Variants in KAT6B observed in about 807,000 individuals in gnomAD.
KAT6B encodes the protein histone acetyltransferase KAT6B.
Under a neutral mutation model 187.5 loss-of-function variants are expected in KAT6B, and 10 were observed. That is an observed-to-expected ratio of 0.05 (90% confidence interval 0.03 to 0.09). The LOEUF (loss-of-function observed/expected upper bound fraction) is 0.09, where lower values mean the gene tolerates loss of function less well. Ranked by LOEUF, KAT6B falls within the 10% of genes least tolerant of loss-of-function variation. The pLI is 1.00. For missense variants in KAT6B, 1,952 were observed against 2,558.9 expected (o/e 0.76, Z 5.12); for synonymous variants, 861 against 926.8 (o/e 0.93, Z 1.29).
chr10:75,005,078 A>T (rs568381403), intron 13 of KAT6B, among the ~76,000 whole-genome samples: 1 of 152,226 alleles, frequency 6.6e-6, no homozygotes, highest in African/African-American at 2.4e-5. Flanking sequence ...GCTATACCTC[A>T]TTTGGGTTTC....
At chr10:74,872,941 A>G (rs1330745555) in intron 3 of KAT6B, among the ~76,000 whole-genome samples, 2 of 152,188 alleles carry the variant, frequency 1.3e-5, no homozygotes, top group East Asian at 1.9e-4. Flanking sequence ...TGACTGTTAG[A>G]TGATACTCTT....
At chr10:75,005,249 G>A (rs1844126267) in intron 13 of KAT6B, among the ~76,000 whole-genome samples, 1 of 146,346 alleles carries the variant, frequency 6.8e-6, no homozygotes, top group Non-Finnish European at 1.5e-5. Flanking sequence ...ACCGAGTCTT[G>A]CTCTGTTGCC....
In KAT6B at chr10:74,921,108, A is replaced by ATTTTT. The variant is rs10550175; in HGVS notation, c.622-38843_622-38839dup. On this transcript the variant is annotated intron_variant, in intron 3 of 17. Coordinates refer to ENST00000287239, the MANE Select transcript of KAT6B (RefSeq NM_012330.4). Reference sequence around the variant, plus strand: ...ATGTGTATGGGTCACTGTAGTCTAAATTTTTTTTTTTTTTTTTTTTTTTGA... The same window carrying ATTTTT: ...ATGTGTATGGGTCACTGTAGTCTAAATTTTTTTTTTTTTTTTTTTTTTTTTTTTGA... Among the ~76,000 whole-genome samples the ATTTTT allele has an allele frequency of 3.2e-4, 35 of 109,496 alleles. 1 individual carries two copies. Among genetic ancestry groups the ATTTTT allele is most frequent in the Non-Finnish European group, 4.2e-4 (24 of 57,312 alleles). The allele number at this position is 109,496 out of a possible 152,430, so 71.8% of individuals were successfully genotyped here.
chr10:74,988,789 T>C (rs1296889967), intron 12 of KAT6B, among the ~76,000 whole-genome samples: 1 of 152,248 alleles, frequency 6.6e-6, no homozygotes, highest in Non-Finnish European at 1.5e-5. Context: ...ATGCATATTT[T>C]ATGGCACTGA....
chr10:74,924,460 A>G (rs1172506285), intron 3 of KAT6B, among the ~76,000 whole-genome samples: 1 of 152,214 alleles, frequency 6.6e-6, no homozygotes, highest in Non-Finnish European at 1.5e-5. Flanking sequence ...CATCAACGGG[A>G]GTGGTGTATC....
chr10:74,841,412 A>C (rs1841733721), intron 2 of KAT6B, among the ~76,000 whole-genome samples: 1 of 152,156 alleles, frequency 6.6e-6, no homozygotes, highest in African/African-American at 2.4e-5. Flanking sequence ...CTAAAAATAC[A>C]AACATTAGCT....
chr10:75,018,632 G>T (rs771525956), intron 13 of KAT6B, among the ~76,000 whole-genome samples: 5 of 152,188 alleles, frequency 3.3e-5, no homozygotes, highest in Non-Finnish European at 7.3e-5. Flanking sequence ...TTCTGGGTAA[G>T]CTGGCCCATC....
chr10:75,019,318 T>G (rs1295317240), intron 13 of KAT6B, among the ~76,000 whole-genome samples: 1 of 152,232 alleles, frequency 6.6e-6, no homozygotes, highest in African/African-American at 2.4e-5. Context: ...GCCATCAAAA[T>G]GCAAAATGCT....
At position 75,031,196 on chromosome 10, in the gene KAT6B, ATGC is replaced by A; in HGVS notation, c.*151_*153del. 1 of 907,814 alleles carries A rather than the reference ATGC, an allele frequency of 1.1e-6. No individual in the cohort carries two copies. The highest frequency in any genetic ancestry group is 1.7e-6 in the Non-Finnish European group (1 of 590,550). 56.2% of individuals were successfully genotyped at this position (907,814 alleles called of 1,614,324 possible). A position where few individuals can be genotyped will look rare whatever the true frequency, so the allele number is the denominator to read the frequency against. ...TTTATTTAAAAAAAAAAAAAGCTGT[ATGC>A]AGCAGAAAGCCTTATACAAGTTGTT... On this transcript the variant is annotated 3_prime_UTR_variant, in exon 18 of 18. Coordinates refer to ENST00000287239, the MANE Select transcript of KAT6B (RefSeq NM_012330.4).
intron 3 of KAT6B, among the ~76,000 whole-genome samples, chr10:74,915,230 G>A (rs932117385): frequency 6.6e-6 from 1 of 152,048 alleles, no homozygotes; most frequent in East Asian, 1.9e-4. Flanking sequence ...TAATGTATCC[G>A]TGTAAGTTTC....
intron 1 of KAT6B, among the ~76,000 whole-genome samples, chr10:74,835,331 G>T (rs1180861468): frequency 6.6e-6 from 1 of 152,130 alleles, no homozygotes; most frequent in Non-Finnish European, 1.5e-5. Flanking sequence ...CGTGGTTTCA[G>T]CAAGGTAGTA....
intron 3 of KAT6B, among the ~76,000 whole-genome samples, chr10:74,939,523 C>T (rs1469190497): frequency 2.0e-5 from 3 of 152,112 alleles, no homozygotes; most frequent in Non-Finnish European, 4.4e-5. Flanking sequence ...GCCTCTGCCT[C>T]CCAAGTAGCT....
chr10:74,827,653 TCTC>T (rs377048145), intron 1 of KAT6B, among the ~76,000 whole-genome samples: 122 of 151,576 alleles, frequency 8.0e-4, no homozygotes, highest in African/African-American at 2.4e-3. Context: ...TGGCAGAAAA[TCTC>T]CTGGGGACAA....
intron 13 of KAT6B, among the ~76,000 whole-genome samples, chr10:74,991,433 A>C (rs1843119253): frequency 6.6e-6 from 1 of 152,250 alleles, no homozygotes; most frequent in African/African-American, 2.4e-5. Context: ...ATAAGAGAAC[A>C]ATCTGGGTAA....
chr10:74,944,318 C>T (rs1023391935), intron 3 of KAT6B, among the ~76,000 whole-genome samples: 2 of 152,216 alleles, frequency 1.3e-5, no homozygotes, highest in Non-Finnish European at 2.9e-5. Context: ...CAGCTTGAGG[C>T]AATCCCTGGA....
chr10:74,833,768 T>C (rs1434531126), intron 1 of KAT6B, among the ~76,000 whole-genome samples: 2 of 152,272 alleles, frequency 1.3e-5, no homozygotes, highest in Non-Finnish European at 2.9e-5. Flanking sequence ...ATTTTTATGG[T>C]GATTTAGCCT....
At chr10:74,908,716 CT>C (rs1846976197) in intron 3 of KAT6B, among the ~76,000 whole-genome samples, 1 of 152,130 alleles carries the variant, frequency 6.6e-6, no homozygotes, top group African/African-American at 2.4e-5. Flanking sequence ...TATATTCCCC[CT>C]GATTCTCTGC....
At chr10:74,851,797 A>T (rs1461751789) in intron 3 of KAT6B, among the ~76,000 whole-genome samples, 2 of 152,174 alleles carry the variant, frequency 1.3e-5, no homozygotes, top group African/African-American at 4.8e-5. Flanking sequence ...ATTAATATGA[A>T]ATATTTCTAC....
intron 1 of KAT6B, among the ~76,000 whole-genome samples, chr10:74,830,818 G>A (rs1192527555): frequency 6.4e-5 from 2 of 31,488 alleles, no homozygotes; most frequent in African/African-American, 2.2e-4. Flanking sequence ...ACGGAGTTTT[G>A]CTTTTGTCAC....
Sources: gnomAD v4.1 joint callset for allele counts (sites outside exome capture counted in the v4.1 genomes callset) on GRCh38, gnomAD v4.1.1 for gene constraint, MANE v1.5 for transcripts, NCBI Gene and HGNC (gene_info 2026-07-23, HGNC 2026-07-21) for gene names.